ICA1: variants seen among roughly 807,000 people sequenced by gnomAD.
ICA1 encodes islet cell autoantigen 1.
Under a neutral mutation model 71.0 loss-of-function variants are expected in ICA1, and 40 were observed. That is an observed-to-expected ratio of 0.56 (90% CI 0.44 to 0.73). ICA1 has a LOEUF of 0.73. ICA1 is among the 30% of genes least tolerant of loss of function. The pLI is 0.00. For synonymous variants in ICA1, 207 were observed against 209.5 expected (o/e 0.99, Z 0.10); for missense variants, 578 against 576.5 (o/e 1.00, Z -0.03).
intron 1 of ICA1, among the ~76,000 whole-genome samples, chr7:8,247,722 C>T (rs1806582680): frequency 6.6e-6 from 1 of 152,206 alleles, no homozygotes; most frequent in South Asian, 2.1e-4. Flanking sequence ...TCCACATAAG[C>T]TGGCTTCCAC....
At chr7:8,199,565 T>A (rs1265182595) in intron 6 of ICA1, among the ~76,000 whole-genome samples, 1 of 151,902 alleles carries the variant, frequency 6.6e-6, no homozygotes, top group African/African-American at 2.4e-5. Context: ...ATAAAAAAAA[T>A]TAGCCGGGTG....
At chr7:8,162,167 T>C (rs994004355) in intron 6 of ICA1, among the ~76,000 whole-genome samples, 6 of 152,364 alleles carry the variant, frequency 3.9e-5, no homozygotes, top group African/African-American at 1.4e-4. Context: ...AGAAAACTTA[T>C]TTCACTTGCT....
chr7:8,224,175 A>G (rs1797919508), intron 4 of ICA1, among the ~76,000 whole-genome samples: 2 of 152,218 alleles, frequency 1.3e-5, no homozygotes, highest in African/African-American at 4.8e-5. Flanking sequence ...AGCGGTCAGT[A>G]GGTGCCTTAG....
At chr7:8,257,073 T>C (rs989088534) in intron 1 of ICA1, among the ~76,000 whole-genome samples, 1 of 152,182 alleles carries the variant, frequency 6.6e-6, no homozygotes, top group African/African-American at 2.4e-5. Context: ...GGAGCTTGAT[T>C]AATGGGGCTG....
At chr7:8,127,324 T>C (rs1363145222) in intron 13 of ICA1, among the ~76,000 whole-genome samples, 1 of 152,102 alleles carries the variant, frequency 6.6e-6, no homozygotes, top group Non-Finnish European at 1.5e-5. Flanking sequence ...GTGGAAACTC[T>C]ATTTTTTCTG....
intron 6 of ICA1, among the ~76,000 whole-genome samples, chr7:8,208,760 G>C (rs888747756): frequency 1.3e-5 from 2 of 152,180 alleles, no homozygotes; most frequent in Admixed American, 6.5e-5. Context: ...CTACCAAAAA[G>C]AGACAGAGGC....
chr7:8,145,843 G>C (rs1378170991), intron 8 of ICA1, among the ~76,000 whole-genome samples: 2 of 148,970 alleles, frequency 1.3e-5, no homozygotes, highest in Non-Finnish European at 3.0e-5. Flanking sequence ...ATTTAAAAAA[G>C]GCTTATTAGA....
chr7:8,232,514 G>T, intron 3 of ICA1, 76 bp downstream of exon 3: 2 of 1,247,138 alleles, frequency 1.6e-6, no homozygotes, highest in South Asian at 2.2e-5. Flanking sequence ...ACCCAGCTCT[G>T]CCTCAGTGAG....
intron 6 of ICA1, among the ~76,000 whole-genome samples, chr7:8,166,921 C>G (rs1398876937): frequency 6.6e-6 from 1 of 151,944 alleles, no homozygotes; most frequent in Non-Finnish European, 1.5e-5. Context: ...GAAATCAAAA[C>G]TACAGTAAGA....
chr7:8,159,553 A>G (rs1047171692), intron 6 of ICA1, among the ~76,000 whole-genome samples: 11 of 152,084 alleles, frequency 7.2e-5, no homozygotes, highest in African/African-American at 2.4e-4. Context: ...CTCTACAACA[A>G]CAAAGGTGTG....
At chr7:8,135,390 TC>T (rs1360854839) in intron 12 of ICA1, among the ~76,000 whole-genome samples, 1 of 151,798 alleles carries the variant, frequency 6.6e-6, no homozygotes, top group Non-Finnish European at 1.5e-5. Context: ...TACAGGATGA[TC>T]AGCTAAGAAC....
chr7:8,214,192 A>G (rs556037039), intron 6 of ICA1, among the ~76,000 whole-genome samples: 5 of 152,266 alleles, frequency 3.3e-5, no homozygotes, highest in African/African-American at 1.2e-4. Context: ...ATTACCCTCC[A>G]TCCCATTTCT....
intron 6 of ICA1, among the ~76,000 whole-genome samples, chr7:8,214,213 A>G (rs1303969872): frequency 6.6e-6 from 1 of 152,208 alleles, no homozygotes; most frequent in Non-Finnish European, 1.5e-5. Context: ...GACTTTCAAG[A>G]AAAACAAGAC....
At chr7:8,156,046 C>G (rs535521532) in intron 8 of ICA1, among the ~76,000 whole-genome samples, 4 of 152,324 alleles carry the variant, frequency 2.6e-5, no homozygotes, top group Admixed American at 2.0e-4. Context: ...GGGCGGCCAG[C>G]TGGGAGAGGA....
intron 13 of ICA1, among the ~76,000 whole-genome samples, chr7:8,118,203 A>G (rs565954776): frequency 1.3e-4 from 20 of 152,224 alleles, no homozygotes; most frequent in Non-Finnish European, 2.5e-4. Context: ...AAACCTCACG[A>G]ACTTATTTAT....
intron 3 of ICA1, among the ~76,000 whole-genome samples, chr7:8,229,323 G>A (rs1380395434): frequency 1.3e-5 from 2 of 152,302 alleles, no homozygotes; most frequent in East Asian, 1.9e-4. Context: ...CGGAAACTGG[G>A]GGATAGGCAG....
chr7:8,199,453 G>A (rs1266474516), intron 6 of ICA1, among the ~76,000 whole-genome samples: 1 of 152,206 alleles, frequency 6.6e-6, no homozygotes, highest in Admixed American at 6.5e-5. Context: ...GCTCACGCCT[G>A]TAACCCCAGC....
chr7:8,122,411 C>T (rs1447378947), intron 13 of ICA1, among the ~76,000 whole-genome samples: 1 of 152,244 alleles, frequency 6.6e-6, no homozygotes, highest in East Asian at 1.9e-4. Context: ...CCTTGATTCC[C>T]TGTTCTATAA....
At chr7:8,171,380 T>A (rs1028759641) in intron 6 of ICA1, among the ~76,000 whole-genome samples, 3 of 151,918 alleles carry the variant, frequency 2.0e-5, no homozygotes, top group African/African-American at 7.2e-5. Context: ...TAGCTTGTCT[T>A]TAAAGGGATT....
Sources: gnomAD v4.1 joint callset for allele counts (sites outside exome capture counted in the v4.1 genomes callset) on GRCh38, gnomAD v4.1.1 for gene constraint, MANE v1.5 for transcripts, NCBI Gene and HGNC (gene_info 2026-07-23, HGNC 2026-07-21) for gene names.